SLCO6A1: variants seen among roughly 807,000 people sequenced by gnomAD.
SLCO6A1 encodes the protein cancer/testis antigen 48.
Under a neutral mutation model 72.7 loss-of-function variants are expected in SLCO6A1, and 65 were observed. That is an observed-to-expected ratio of 0.89 (90% CI 0.73 to 1.10). The LOEUF is 1.10. Ranked by LOEUF, SLCO6A1 falls within the 50% of genes least tolerant of loss-of-function variation. The pLI, the probability that SLCO6A1 is intolerant of heterozygous loss-of-function variation, is 0.00. For synonymous variants in SLCO6A1, 314 were observed against 298.2 expected, an observed-to-expected ratio of 1.05 and a Z score of -0.55; for missense variants, 874 against 872.6, an observed-to-expected ratio of 1.00 and a Z score of -0.02.
At chr5:102,466,237 T>G (rs780422533) in intron 4 of SLCO6A1, among the ~76,000 whole-genome samples, 34 of 152,102 alleles carry the variant, frequency 2.2e-4, no homozygotes, top group Admixed American at 5.9e-4. Context: ...CTATGTGTTC[T>G]CATCATTTAG....
chr5:102,448,233 A>C (rs2112714676), intron 6 of SLCO6A1, among the ~76,000 whole-genome samples: 1 of 152,234 alleles, frequency 6.6e-6, no homozygotes, highest in South Asian at 2.1e-4. Flanking sequence ...GTTGTTTGAG[A>C]GTGCAGTTGG....
At chr5:102,431,548 A>G (rs1037992876) in intron 7 of SLCO6A1, among the ~76,000 whole-genome samples, 5 of 152,160 alleles carry the variant, frequency 3.3e-5, no homozygotes, top group African/African-American at 1.2e-4. Context: ...GTTCTGAGCA[A>G]TTTAATTAGT....
At chr5:102,423,000 C>G (rs948241192) in intron 7 of SLCO6A1, among the ~76,000 whole-genome samples, 2 of 152,054 alleles carry the variant, frequency 1.3e-5, no homozygotes, top group Non-Finnish European at 2.9e-5. Flanking sequence ...AATTTTAAAC[C>G]CAGAATTTCA....
intron 1 of SLCO6A1, among the ~76,000 whole-genome samples, chr5:102,495,137 C>A (rs1752850501): frequency 1.4e-5 from 2 of 147,300 alleles, no homozygotes; most frequent in South Asian, 4.2e-4. Flanking sequence ...AAGCCAGAAA[C>A]AAAAAAACCA....
intron 7 of SLCO6A1, among the ~76,000 whole-genome samples, chr5:102,435,678 C>T (rs1749491425): frequency 2.0e-5 from 3 of 152,118 alleles, no homozygotes; most frequent in Admixed American, 2.0e-4. Flanking sequence ...AGTTCGCGAC[C>T]TGCCTGAGCA....
intron 9 of SLCO6A1, among the ~76,000 whole-genome samples, chr5:102,410,170 C>T (rs1401058763): frequency 6.6e-6 from 1 of 152,126 alleles, no homozygotes; most frequent in Admixed American, 6.6e-5. Context: ...GTGGGTAGCT[C>T]CTCTCTGTAG....
chr5:102,459,586 C>G lies in SLCO6A1; in HGVS notation c.1021+70G>C, dbSNP rs1016309482. 2.4e-5 allele frequency: 35 copies of G among 1,444,042 alleles called. No individual in the cohort carries two copies. In the African/African-American group the frequency reaches 4.4e-4, roughly 18 times the overall value. The allele number at this position is 1,444,042 out of a possible 1,614,324, so 89.5% of individuals were successfully genotyped here. On this transcript the variant is annotated intron_variant, in intron 5 of 13. Transcript: ENST00000506729. ...TTATTAAAAATGTAATACAGTCATT[C>G]TATGAGAATAAGAACCATGGTGGAA...
At chr5:102,458,022 G>T (rs979648926) in intron 6 of SLCO6A1, among the ~76,000 whole-genome samples, 10 of 151,968 alleles carry the variant, frequency 6.6e-5, no homozygotes, top group Admixed American at 5.9e-4. Flanking sequence ...AACACTGCAC[G>T]TTCTCACTCA....
chr5:102,424,767 T>C (rs1167737322), intron 7 of SLCO6A1, among the ~76,000 whole-genome samples: 1 of 152,152 alleles, frequency 6.6e-6, no homozygotes, highest in Non-Finnish European at 1.5e-5. Context: ...CTTAATTCAT[T>C]TTATGAGGCC....
chr5:102,445,437 G>A (rs1389411227), intron 6 of SLCO6A1, among the ~76,000 whole-genome samples: 1 of 151,932 alleles, frequency 6.6e-6, no homozygotes. Flanking sequence ...GGTTGTTTGG[G>A]GTTGTTTTGC....
rs943086674 is a variant in SLCO6A1 at position 102,409,656 on chromosome 5, G to C, written c.1626+3334C>G. ...CCTATTAGGCAATTTCTTTCATATC[G>C]ATTTTATTCTTTCAGTTTTCATTAA... On this transcript the variant is annotated intron_variant, in intron 9 of 13. Coordinates refer to ENST00000506729, the MANE Select transcript of SLCO6A1 (RefSeq NM_173488.5). Among the ~76,000 whole-genome samples, 10 of 151,966 alleles carry C rather than the reference G, an allele frequency of 6.6e-5. No individual in the cohort carries two copies. In the East Asian group the frequency reaches 1.5e-3, roughly 24 times the overall value.
At chr5:102,419,614 C>T (rs532197057) in intron 8 of SLCO6A1, among the ~76,000 whole-genome samples, 9 of 152,168 alleles carry the variant, frequency 5.9e-5, no homozygotes, top group East Asian at 3.9e-4. Flanking sequence ...CATTACTTTA[C>T]GAATGCATAA....
chr5:102,408,897 C>T lies in SLCO6A1; in HGVS notation c.1626+4093G>A, dbSNP rs151320464. Among the ~76,000 whole-genome samples the T allele has an allele frequency of 3.4e-3, 525 of 152,180 alleles. 5 individuals are homozygous for T. Among genetic ancestry groups the T allele is most frequent in the Admixed American group, 9.5e-3 (145 of 15,280 alleles). On this transcript the variant is annotated intron_variant, in intron 9 of 13. Transcript: ENST00000506729. ...AGCTGAATGAAAACCTGAAGCCTTG[C>T]TTCTTATAATCCTTAATCCTTTGGA... is the stretch of plus-strand genomic sequence containing the variant.
chr5:102,481,971 C>A (rs73776943), intron 1 of SLCO6A1, among the ~76,000 whole-genome samples: 11 of 152,260 alleles, frequency 7.2e-5, no homozygotes, highest in African/African-American at 2.6e-4. Flanking sequence ...GGAGCCACAA[C>A]TAGTTTCAGC....
intron 10 of SLCO6A1, among the ~76,000 whole-genome samples, chr5:102,395,627 C>A (rs1747029024): frequency 6.6e-6 from 1 of 152,136 alleles, no homozygotes; most frequent in Non-Finnish European, 1.5e-5. Context: ...CTGACTTCCA[C>A]AATGGTTGAA....
intron 4 of SLCO6A1, among the ~76,000 whole-genome samples, chr5:102,463,406 A>T (rs919492951): frequency 6.6e-5 from 10 of 152,216 alleles, no homozygotes; most frequent in Non-Finnish European, 1.5e-4. Context: ...TTGATCAAAC[A>T]ATCTCACTAC....
intron 9 of SLCO6A1, among the ~76,000 whole-genome samples, chr5:102,402,574 T>C (rs769727114): frequency 3.2e-4 from 48 of 152,162 alleles, no homozygotes; most frequent in Non-Finnish European, 6.9e-4. Context: ...ATGAAGATGG[T>C]GGCATCTAGT....
chr5:102,405,593 G>A lies in SLCO6A1; in HGVS notation c.1627-5851C>T, dbSNP rs1450298017. Among the ~76,000 whole-genome samples, 4 of 152,012 alleles carry A rather than the reference G, an allele frequency of 2.6e-5. No homozygotes were observed. In the East Asian group the frequency reaches 7.7e-4, roughly 29 times the overall value. On this transcript the variant is annotated intron_variant, in intron 9 of 13. Coordinates refer to ENST00000506729, the MANE Select transcript of SLCO6A1 (RefSeq NM_173488.5). ...AATGTCTAGTGAAAATATCCTTCAGGAATGAAGGCAAGACAAAGATATTTT... is the reference window on the plus strand; with the variant it reads ...AATGTCTAGTGAAAATATCCTTCAGAAATGAAGGCAAGACAAAGATATTTT...
At chr5:102,372,804 G>T (rs1750695535) in intron 13 of SLCO6A1, among the ~76,000 whole-genome samples, 1 of 151,828 alleles carries the variant, frequency 6.6e-6, no homozygotes, top group Admixed American at 6.6e-5. Context: ...ATTAACCAAA[G>T]AAATTTTCTG....
Sources: allele counts gnomAD v4.1 joint callset (sites outside exome capture counted in the v4.1 genomes callset), GRCh38; gene constraint gnomAD v4.1.1; transcripts MANE v1.5; gene names NCBI Gene and HGNC (gene_info 2026-07-23, HGNC 2026-07-21).